The following UNC13C variants were observed in gnomAD, a reference collection of about 807,000 sequenced individuals.
The protein encoded by UNC13C is protein unc-13 homolog C.
UNC13C carries 174 observed loss-of-function variants against 245.4 expected under a neutral mutation model. The ratio of observed to expected loss-of-function variants is 0.71; its 90% CI spans 0.63 to 0.80. UNC13C has a LOEUF of 0.80. Among genes scored for constraint, UNC13C ranks in the 30% least tolerant of loss-of-function variants. UNC13C has a pLI of 0.00. For missense variants in UNC13C, 2,829 were observed against 2,602.9 expected (o/e 1.09, Z -1.89); for synonymous variants, 992 against 895.1 (o/e 1.11, Z -1.93).
intron 4 of UNC13C, among the ~76,000 whole-genome samples, chr15:54,164,990 C>A (rs2033115428): frequency 6.6e-6 from 1 of 152,006 alleles, no homozygotes; most frequent in Non-Finnish European, 1.5e-5. Flanking sequence ...AATCCTATAT[C>A]CAGAGGTAAG....
chr15:54,494,191 C>A (rs1031856464), intron 19 of UNC13C, among the ~76,000 whole-genome samples: 2 of 152,068 alleles, frequency 1.3e-5, no homozygotes, highest in African/African-American at 2.4e-5. Flanking sequence ...ACGTAACAAA[C>A]CTGCACGTTG....
the UNC13C span, among the ~76,000 whole-genome samples, chr15:53,956,875 AGT>A: frequency 0.028 from 3,930 of 139,776 alleles, 178 homozygotes; most frequent in African/African-American, 0.095. Flanking sequence ...GTTAAGCTCA[AGT>A]GTGTGTGTGT....
intron 8 of UNC13C, among the ~76,000 whole-genome samples, chr15:54,259,603 G>C (rs1180839053): frequency 1.3e-5 from 2 of 152,218 alleles, no homozygotes; most frequent in Non-Finnish European, 2.9e-5. Flanking sequence ...AATTATGGGA[G>C]CTACAATTCA....
chr15:54,440,629 T>C (rs1890470475), intron 19 of UNC13C, among the ~76,000 whole-genome samples: 1 of 152,088 alleles, frequency 6.6e-6, no homozygotes, highest in Admixed American at 6.6e-5. Context: ...GGGCTGTAGA[T>C]ATCTCTTTGA....
chr15:54,581,759 C>G (rs1811567116), intron 30 of UNC13C, among the ~76,000 whole-genome samples: 1 of 152,202 alleles, frequency 6.6e-6, no homozygotes, highest in Non-Finnish European at 1.5e-5. Context: ...TACCCTGAAA[C>G]TACTGAGTCA....
intron 2 of UNC13C, among the ~76,000 whole-genome samples, chr15:54,137,587 C>A (rs745447404): frequency 6.6e-5 from 10 of 152,012 alleles, no homozygotes; most frequent in Admixed American, 5.2e-4. Flanking sequence ...CCATTTCTTC[C>A]AGGTTATTCA....
chr15:54,225,819 C>G (rs2140798461), intron 4 of UNC13C, among the ~76,000 whole-genome samples: 1 of 152,148 alleles, frequency 6.6e-6, no homozygotes, highest in East Asian at 1.9e-4. Context: ...GCCTGATTGC[C>G]CTGGCCAGAA....
chr15:53,963,351 C>G, the UNC13C span, among the ~76,000 whole-genome samples: 13 of 152,166 alleles, frequency 8.5e-5, no homozygotes, highest in Admixed American at 6.5e-5. Flanking sequence ...CAGACTGTCA[C>G]AATGAAATTC....
At chr15:53,922,910 A>G in the UNC13C span, among the ~76,000 whole-genome samples, 7 of 152,210 alleles carry the variant, frequency 4.6e-5, no homozygotes, top group Non-Finnish European at 1.0e-4. Context: ...ATAAGTATTC[A>G]TTACTTACCA....
At chr15:54,170,895 G>A (rs932463162) in intron 4 of UNC13C, among the ~76,000 whole-genome samples, 1 of 152,140 alleles carries the variant, frequency 6.6e-6, no homozygotes, top group African/African-American at 2.4e-5. Context: ...TTGTTTCTGT[G>A]AGAGTCTGCG....
intron 26 of UNC13C, among the ~76,000 whole-genome samples, chr15:54,545,701 AAAAAAGCTCATTATT>A (rs1158485687): frequency 6.6e-6 from 1 of 152,162 alleles, no homozygotes; most frequent in African/African-American, 2.4e-5. Flanking sequence ...ACAAACATGA[AAAAAAGCTCATTATT>A]ACTGGTCATT....
intron 17 of UNC13C, among the ~76,000 whole-genome samples, chr15:54,370,219 T>G (rs1330097851): frequency 6.6e-6 from 1 of 152,124 alleles, no homozygotes; most frequent in Non-Finnish European, 1.5e-5. Context: ...CGTCAAATTG[T>G]ACAGATATCC....
intron 17 of UNC13C, among the ~76,000 whole-genome samples, chr15:54,343,733 T>C (rs2038792664): frequency 1.3e-5 from 2 of 152,138 alleles, no homozygotes; most frequent in Admixed American, 1.3e-4. Context: ...ACTATTACAA[T>C]AGTTACACAG....
chr15:54,086,635 T>C (rs1452702803), intron 2 of UNC13C, among the ~76,000 whole-genome samples: 6 of 151,980 alleles, frequency 3.9e-5, no homozygotes, highest in Non-Finnish European at 8.8e-5. Context: ...ACAGGAATTA[T>C]AAATCTGTTG....
intron 4 of UNC13C, among the ~76,000 whole-genome samples, chr15:54,171,841 T>C (rs1361169928): frequency 6.6e-6 from 1 of 152,090 alleles, no homozygotes; most frequent in Non-Finnish European, 1.5e-5. Context: ...TAGCTAAGAT[T>C]TGGAAGCAAC....
At chr15:54,451,892 C>T (rs1315363426) in intron 19 of UNC13C, among the ~76,000 whole-genome samples, 1 of 152,066 alleles carries the variant, frequency 6.6e-6, no homozygotes. Context: ...TTGCCTCTTC[C>T]AATTTTTTGG....
chr15:54,115,549 A>T (rs2030182258), intron 2 of UNC13C, among the ~76,000 whole-genome samples: 1 of 152,114 alleles, frequency 6.6e-6, no homozygotes, highest in Non-Finnish European at 1.5e-5. Flanking sequence ...ACATGTAATA[A>T]TTTGATATTC....
chr15:54,248,225 T>C (rs1012525884), intron 7 of UNC13C, among the ~76,000 whole-genome samples: 2 of 152,164 alleles, frequency 1.3e-5, no homozygotes. Flanking sequence ...ATTATTTTAT[T>C]GCCATTAAAA....
the UNC13C span, among the ~76,000 whole-genome samples, chr15:53,847,357 ATTTT>A: frequency 7.1e-6 from 1 of 139,956 alleles, no homozygotes. Flanking sequence ...TTCATTAGCT[ATTTT>A]TTTTTTTTTT....
Sources: allele counts gnomAD v4.1 joint callset (sites outside exome capture counted in the v4.1 genomes callset), GRCh38; gene constraint gnomAD v4.1.1; transcripts MANE v1.5; gene names NCBI Gene and HGNC (gene_info 2026-07-23, HGNC 2026-07-21).